The following IGSF21 variants were observed in gnomAD, a reference collection of about 807,000 sequenced individuals.
IGSF21 encodes the protein immunoglobin superfamily member 21.
Under a neutral mutation model 46.8 loss-of-function variants are expected in IGSF21, and 28 were observed. The observed-to-expected ratio is 0.60, with a 90% CI of 0.44 to 0.82. IGSF21 has a LOEUF of 0.82. Among genes scored for constraint, IGSF21 ranks in the 40% least tolerant of loss-of-function variants. The pLI, the probability that IGSF21 is intolerant of heterozygous loss-of-function variation, is 0.00. For synonymous variants in IGSF21, 284 were observed against 273.6 expected, an observed-to-expected ratio of 1.04 and a Z score of -0.38; for missense variants, 624 against 665.5, an observed-to-expected ratio of 0.94 and a Z score of 0.69.
chr1:18,122,929 AT>A (rs141029607), intron 1 of IGSF21, among the ~76,000 whole-genome samples: 8,135 of 152,146 alleles, frequency 0.053, 312 homozygotes, highest in East Asian at 0.1. Flanking sequence ...ACCCAGCCAG[AT>A]TTTTTATTAA....
At chr1:18,350,803 C>G (rs1295842281) in intron 4 of IGSF21, among the ~76,000 whole-genome samples, 2 of 152,140 alleles carry the variant, frequency 1.3e-5, no homozygotes, top group Non-Finnish European at 2.9e-5. Context: ...TCCTAAAACG[C>G]TGATAGGACA....
intron 1 of IGSF21, among the ~76,000 whole-genome samples, chr1:18,208,376 A>AAT (rs5772795): frequency 0.017 from 370 of 22,044 alleles, 45 homozygotes; most frequent in African/African-American, 0.059. Flanking sequence ...GTTTAGGAAT[A>AAT]ATATATATAT....
intron 1 of IGSF21, among the ~76,000 whole-genome samples, chr1:18,131,717 T>C (rs2086323486): frequency 6.6e-6 from 1 of 152,196 alleles, no homozygotes; most frequent in Non-Finnish European, 1.5e-5. Context: ...GATCCAGGCC[T>C]CCTTCTGTCT....
At chr1:18,140,258 G>A (rs1470538471) in intron 1 of IGSF21, among the ~76,000 whole-genome samples, 2 of 152,214 alleles carry the variant, frequency 1.3e-5, no homozygotes, top group African/African-American at 2.4e-5. Flanking sequence ...ATACTTGGAG[G>A]TGTATCTTCT....
At chr1:18,200,393 G>T (rs1047150732) in intron 1 of IGSF21, among the ~76,000 whole-genome samples, 13 of 152,148 alleles carry the variant, frequency 8.5e-5, no homozygotes, top group Non-Finnish European at 1.3e-4. Context: ...ACTTCTGGAG[G>T]CTAGAAGTCC....
intron 3 of IGSF21, among the ~76,000 whole-genome samples, chr1:18,318,224 T>C (rs115130639): frequency 0.011 from 1,606 of 152,280 alleles, 34 homozygotes; most frequent in African/African-American, 0.036. Flanking sequence ...GAAGAAGCCC[T>C]GGCCCCCCGT....
chr1:18,131,370 G>C (rs2086320047), intron 1 of IGSF21, among the ~76,000 whole-genome samples: 1 of 152,162 alleles, frequency 6.6e-6, no homozygotes, highest in African/African-American at 2.4e-5. Flanking sequence ...GTCATATAAA[G>C]TGAACGGATG....
chr1:18,278,531 TTTTGTTTG>T (rs201958803), intron 2 of IGSF21, among the ~76,000 whole-genome samples: 6,008 of 140,842 alleles, frequency 0.043, 281 homozygotes, highest in African/African-American at 0.12. Context: ...GTAAGGTTTT[TTTTGTTTG>T]TTTGTTTGTT....
At chr1:18,171,467 A>G (rs2086736197) in intron 1 of IGSF21, among the ~76,000 whole-genome samples, 1 of 152,146 alleles carries the variant, frequency 6.6e-6, no homozygotes, top group Non-Finnish European at 1.5e-5. Flanking sequence ...GGAAATAGTC[A>G]TGCTGAGGAA....
intron 3 of IGSF21, among the ~76,000 whole-genome samples, chr1:18,303,710 G>C (rs1265780682): frequency 6.6e-6 from 1 of 152,222 alleles, no homozygotes; most frequent in African/African-American, 2.4e-5. Context: ...AGACAGAGAT[G>C]AGCAGGACAG....
intron 1 of IGSF21, among the ~76,000 whole-genome samples, chr1:18,119,573 A>AG (rs1188196586): frequency 6.6e-6 from 1 of 152,232 alleles, no homozygotes; most frequent in Non-Finnish European, 1.5e-5. Context: ...AATCATAGCA[A>AG]GGGGGTGGCT....
intron 1 of IGSF21, chr1:18,111,720 GATAGATTTA>G (rs1435683740): frequency 6.6e-6 from 1 of 152,276 alleles, no homozygotes; most frequent in Non-Finnish European, 1.5e-5. Flanking sequence ...CATGCTGCAA[GATAGATTTA>G]AGACCTTCTT....
At chr1:18,200,600 G>A (rs376999717) in intron 1 of IGSF21, among the ~76,000 whole-genome samples, 2 of 152,076 alleles carry the variant, frequency 1.3e-5, no homozygotes, top group Admixed American at 6.5e-5. Context: ...TCCAAATTCC[G>A]CTCTTCTTAT....
intron 1 of IGSF21, among the ~76,000 whole-genome samples, chr1:18,152,048 G>A (rs1468899788): frequency 6.6e-6 from 1 of 152,176 alleles, no homozygotes; most frequent in East Asian, 1.9e-4. Flanking sequence ...TGGACTCCGT[G>A]AGGACAGGGA....
At chr1:18,191,395 C>T (rs2086955010) in intron 1 of IGSF21, among the ~76,000 whole-genome samples, 1 of 152,168 alleles carries the variant, frequency 6.6e-6, no homozygotes, top group Non-Finnish European at 1.5e-5. Context: ...GTGGATTACA[C>T]ACCTAGAGGA....
intron 1 of IGSF21, among the ~76,000 whole-genome samples, chr1:18,217,754 G>A (rs545768950): frequency 2.0e-4 from 31 of 152,328 alleles, no homozygotes; most frequent in Non-Finnish European, 3.8e-4. Context: ...GGGTTGCCAT[G>A]AGGTGGTGGG....
chr1:18,204,774 A>G (rs2087109418), intron 1 of IGSF21, among the ~76,000 whole-genome samples: 1 of 152,194 alleles, frequency 6.6e-6, no homozygotes, highest in Non-Finnish European at 1.5e-5. Context: ...ATCACATTCA[A>G]TTCATGACCT....
Position 18,139,350 on chromosome 1 carries a change from G to A in IGSF21, c.70+31152G>A, listed in dbSNP as rs190151856. On this transcript the variant is annotated intron_variant, in intron 1 of 9. Transcript: ENST00000251296. ...TGACTCAAAGCTCAGGGTTCCGGGA[G>A]CTGTCTACGTCACACGATGATGGGG... Among the ~76,000 whole-genome samples the A allele has an allele frequency of 2.3e-3, 354 of 152,116 alleles. 2 individuals are homozygous for A. The highest frequency in any genetic ancestry group is 3.2e-3 in the Non-Finnish European group (217 of 67,982).
intron 3 of IGSF21, among the ~76,000 whole-genome samples, chr1:18,323,575 A>G (rs2085626784): frequency 6.6e-6 from 1 of 152,164 alleles, no homozygotes; most frequent in East Asian, 1.9e-4. Flanking sequence ...GATCAGGCCA[A>G]TTTAAGAGAC....
Sources: allele counts gnomAD v4.1 joint callset (sites outside exome capture counted in the v4.1 genomes callset), GRCh38; gene constraint gnomAD v4.1.1; transcripts MANE v1.5; gene names NCBI Gene and HGNC (gene_info 2026-07-23, HGNC 2026-07-21).